NFIX: variants seen among roughly 807,000 people sequenced by gnomAD.
The protein encoded by NFIX is nuclear factor 1 X-type.
Under a neutral mutation model 53.3 loss-of-function variants are expected in NFIX, and 2 were observed. The ratio of observed to expected loss-of-function variants is 0.04; its 90% CI spans 0.02 to 0.12. The LOEUF (loss-of-function observed/expected upper bound fraction) is 0.12. Ranked by LOEUF, NFIX falls within the 10% of genes least tolerant of loss-of-function variation. The pLI, the probability that NFIX is intolerant of heterozygous loss-of-function variation, is 1.00. For missense variants in NFIX, 310 were observed against 674.5 expected, an observed-to-expected ratio of 0.46 and a Z score of 5.99; for synonymous variants, 244 against 289.0, an observed-to-expected ratio of 0.84 and a Z score of 1.58.
At chr19:12,997,009 A>G (rs1322514518) in intron 1 of NFIX, among the ~76,000 whole-genome samples, 1 of 152,234 alleles carries the variant, frequency 6.6e-6, no homozygotes, top group Non-Finnish European at 1.5e-5. Flanking sequence ...AAGAGGGGAC[A>G]TCTAGGGGCT....
intron 2 of NFIX, among the ~76,000 whole-genome samples, chr19:13,047,065 A>C (rs1300779162): frequency 6.6e-6 from 1 of 152,054 alleles, no homozygotes; most frequent in African/African-American, 2.4e-5. Context: ...CAGGACTCTT[A>C]AGGCTCTGAG....
intron 1 of NFIX, among the ~76,000 whole-genome samples, chr19:13,016,797 T>A (rs1475815164): frequency 6.6e-6 from 1 of 152,116 alleles, no homozygotes; most frequent in Non-Finnish European, 1.5e-5. Context: ...AGGCCAGCAA[T>A]GAGGGGGAGG....
At position 13,002,894 on chromosome 19, in the gene NFIX, C is replaced by G. The variant is rs984278343; in HGVS notation, c.27+7030C>G. On this transcript the variant is annotated intron_variant, in intron 1 of 10. Transcript: ENST00000592199. This position sits in a 1 kb window ranked among gnomAD's most constrained non-coding sequence, Gnocchi z 6.1. ...CCCCTCAGCTGAAGCTCAGTGCCAG[C>G]CTTCCTGGCACAGATCGGGCAAGAG... is the stretch of plus-strand genomic sequence containing the variant. Among the ~76,000 whole-genome samples, 1 of 152,154 alleles carries G rather than the reference C, an allele frequency of 6.6e-6. No homozygotes were observed. Among genetic ancestry groups the G allele is most frequent in the Non-Finnish European group, 1.5e-5 (1 of 67,998 alleles).
chr19:13,074,108 G>A (rs2016931015), intron 5 of NFIX, 82 bp downstream of exon 5: 1 of 1,566,286 alleles, frequency 6.4e-7, no homozygotes, highest in East Asian at 2.2e-5. Context: ...AGTCAGCTGT[G>A]TCACTGAGGC....
At chr19:13,031,747 G>T (rs2013826056) in intron 2 of NFIX, among the ~76,000 whole-genome samples, 1 of 152,130 alleles carries the variant, frequency 6.6e-6, no homozygotes, top group African/African-American at 2.4e-5. Context: ...CTGTGAATTG[G>T]GAGGCAAGGT....
Position 13,006,493 on chromosome 19 carries a change from G to T in NFIX, c.27+10629G>T, listed in dbSNP as rs774211913. Among the ~76,000 whole-genome samples, 7 of 152,258 alleles carry T rather than the reference G, an allele frequency of 4.6e-5. No individual in the cohort carries two copies. Among genetic ancestry groups the T allele is most frequent in the Non-Finnish European group, 1.0e-4 (7 of 68,044 alleles). Reference sequence around the variant, plus strand: ...CTTTCCTTTACAGAAACTGGGGCTTGATGGGCACTGGGTATTCGCAACCCT... The same window carrying T: ...CTTTCCTTTACAGAAACTGGGGCTTTATGGGCACTGGGTATTCGCAACCCT... On this transcript the variant is annotated intron_variant, in intron 1 of 10. Transcript: ENST00000592199. This position sits in a 1 kb window ranked among gnomAD's most constrained non-coding sequence, Gnocchi z 5.6.
At chr19:13,058,009 T>C (rs1357257164) in intron 2 of NFIX, among the ~76,000 whole-genome samples, 1 of 152,118 alleles carries the variant, frequency 6.6e-6, no homozygotes, top group Non-Finnish European at 1.5e-5. Context: ...GCAAGCTCCT[T>C]GGGGCCTGAG....
At chr19:13,035,699 C>G (rs1295762826) in intron 2 of NFIX, among the ~76,000 whole-genome samples, 1 of 152,070 alleles carries the variant, frequency 6.6e-6, no homozygotes, top group African/African-American at 2.4e-5. Context: ...TGTCCTGTGC[C>G]TGAGACAACT....
At position 13,006,902 on chromosome 19, in the gene NFIX, C is replaced by T. The variant is rs1568254792; in HGVS notation, c.27+11038C>T. Among the ~76,000 whole-genome samples the T allele has an allele frequency of 2.0e-5, 3 of 152,196 alleles. No individual in the cohort carries two copies. Among genetic ancestry groups the T allele is most frequent in the Admixed American group, 2.0e-4 (3 of 15,288 alleles). On this transcript the variant is annotated intron_variant, in intron 1 of 10. Coordinates refer to ENST00000592199, the MANE Select transcript of NFIX (RefSeq NM_001365902.3). The surrounding 1 kb of genome is among the most constrained non-coding windows in gnomAD (Gnocchi z 5.6). ...CCCCCACCCCATGCCCGGGCAGAGC[C>T]GAGCGGCTGCTGCTGCCAGTCTCCA...
Position 13,078,643 on chromosome 19 carries a change from TG to T in NFIX, c.988del (p.Asp330ThrfsTer71). ...GCTTCTCTAAAGAAGTCAGGAAAGC[TG>T]GACTTCTGCAGTGCCCTCTCCTCTC... ...GPASLKKSGKLDFCSALSSQG... is the reference protein window; with the variant it reads ...GPASLKKSGKXDFCSALSSQG... On this transcript the variant is annotated frameshift_variant, in exon 7 of 11. Transcript: ENST00000592199. LOFTEE classifies it high-confidence loss of function. The surrounding 1 kb of genome is among the most constrained non-coding windows in gnomAD (Gnocchi z 4.7). 1 of 1,601,582 alleles carries T rather than the reference TG, an allele frequency of 6.2e-7. No homozygotes were observed. Among genetic ancestry groups the T allele is most frequent in the South Asian group, 1.1e-5 (1 of 88,248 alleles).
chr19:13,019,727 G>GTTTTTTTTTTTTTTTTT (rs201956443), intron 1 of NFIX, among the ~76,000 whole-genome samples: 2 of 124,026 alleles, frequency 1.6e-5, no homozygotes, highest in Non-Finnish European at 3.4e-5. Flanking sequence ...TTTTTTGTTT[G>GTTTTTTTTTTTTTTTTT]TTTGTTTTTT....
chr19:13,089,248 G>T lies in NFIX; in HGVS notation c.1403-1051G>T, dbSNP rs2017991173. Among the ~76,000 whole-genome samples the T allele has an allele frequency of 3.9e-5, 6 of 152,200 alleles. No individual in the cohort carries two copies. The highest frequency in any genetic ancestry group is 3.9e-4 in the Admixed American group (6 of 15,288). On this transcript the variant is annotated intron_variant, in intron 9 of 10. Transcript: ENST00000592199. The surrounding 1 kb of genome is among the most constrained non-coding windows in gnomAD (Gnocchi z 4.8). ...GGCCACTTCTGGAGAGAGGTGGGCA[G>T]AATCTGGTGAGCATGGAGTCCCTGG...
chr19:13,010,634 G>T (rs898730385), intron 1 of NFIX, among the ~76,000 whole-genome samples: 2 of 152,176 alleles, frequency 1.3e-5, no homozygotes, highest in African/African-American at 4.8e-5. Context: ...TGGAGCTTTC[G>T]AGCACAGGTA....
At chr19:13,092,793 C>T (rs1436899859) in intron 10 of NFIX, among the ~76,000 whole-genome samples, 1 of 152,248 alleles carries the variant, frequency 6.6e-6, no homozygotes, top group African/African-American at 2.4e-5. Context: ...CAGGAGCTGG[C>T]TGCGGGCCGG....
In NFIX at chr19:13,095,173, C is replaced by T. The variant is rs1599892329; in HGVS notation, c.*524C>T. 2 of 152,226 alleles carry T rather than the reference C, an allele frequency of 1.3e-5. No individual in the cohort carries two copies. Among genetic ancestry groups the T allele is most frequent in the East Asian group, 3.9e-4 (2 of 5,120 alleles). The allele number at this position is 152,226 out of a possible 1,614,324, so 9.4% of individuals were successfully genotyped here. On this transcript the variant is annotated 3_prime_UTR_variant, in exon 11 of 11. Coordinates refer to ENST00000592199, the MANE Select transcript of NFIX (RefSeq NM_001365902.3). ...GATCCCTCAGGCTCTCCCCTCCAGACTCCGCCCTTCCCTCCCTCCCTCCCT... is the reference window on the plus strand; with the variant it reads ...GATCCCTCAGGCTCTCCCCTCCAGATTCCGCCCTTCCCTCCCTCCCTCCCT...
chr19:13,086,155 C>G (rs1427454103), intron 8 of NFIX, among the ~76,000 whole-genome samples: 1 of 152,206 alleles, frequency 6.6e-6, no homozygotes, highest in Non-Finnish European at 1.5e-5. Flanking sequence ...TCCGGAAACC[C>G]CAGTCAGTTT....
In NFIX at chr19:13,073,870, C is replaced by G. The variant is rs191772737; in HGVS notation, c.698-36C>G. On this transcript the variant is annotated intron_variant, in intron 4 of 10. Coordinates refer to ENST00000592199, the MANE Select transcript of NFIX (RefSeq NM_001365902.3). The surrounding 1 kb of genome is among the most constrained non-coding windows in gnomAD (Gnocchi z 4.5). ...AAACAGACCCCATCAGGCCTCCCCC[C>G]ACCTCCAAACCTCATCACCCTCTCG... 1.1e-5 allele frequency: 17 copies of G among 1,613,668 alleles called. No homozygotes were observed. Among genetic ancestry groups the G allele is most frequent in the African/African-American group, 1.3e-5 (1 of 74,898 alleles).
rs532056861 is a variant in NFIX at position 13,005,471 on chromosome 19, C to T, written c.27+9607C>T. Among the ~76,000 whole-genome samples, 1 of 152,248 alleles carries T rather than the reference C, an allele frequency of 6.6e-6. No homozygotes were observed. Among genetic ancestry groups the T allele is most frequent in the South Asian group, 2.1e-4 (1 of 4,830 alleles). On this transcript the variant is annotated intron_variant, in intron 1 of 10. Coordinates refer to ENST00000592199, the MANE Select transcript of NFIX (RefSeq NM_001365902.3). The surrounding 1 kb of genome is among the most constrained non-coding windows in gnomAD (Gnocchi z 4.7). Reference sequence around the variant, plus strand: ...GTGTAACTTCAGGCAAGTTGCTTAACCTCTCTGGGTCTCAATTTCTGTATC... The same window carrying T: ...GTGTAACTTCAGGCAAGTTGCTTAATCTCTCTGGGTCTCAATTTCTGTATC...
In NFIX at chr19:13,088,036, G is replaced by A. The variant is rs914389971; in HGVS notation, c.1302G>A (p.Pro434=). The change falls in exon 9 of 11, where the codon CCG becomes CCA. Residue 434 remains proline (P), a synonymous_variant. Transcript: ENST00000592199. This position sits in a 1 kb window ranked among gnomAD's most constrained non-coding sequence, Gnocchi z 5.9. ...QGKVPGSFLL[P]PPPPVARPVP... The stretch of plus-strand genomic sequence containing the variant: ...AAGTCCCGGGGTCATTTTTGCTACC[G>A]CCGCCGCCTCCAGTGGCCAGACCTG... 13 of 1,535,970 alleles carry A rather than the reference G, an allele frequency of 8.5e-6. No individual in the cohort carries two copies. Among genetic ancestry groups the A allele is most frequent in the Admixed American group, 2.0e-5 (1 of 50,984 alleles).
Sources: allele counts gnomAD v4.1 joint callset (sites outside exome capture counted in the v4.1 genomes callset), GRCh38; gene constraint gnomAD v4.1.1; non-coding constraint Gnocchi (gnomAD v3.1); transcripts MANE v1.5; gene names NCBI Gene and HGNC (gene_info 2026-07-23, HGNC 2026-07-21).